Variants in WWOX observed in about 807,000 individuals in gnomAD.
WWOX encodes WW domain containing oxidoreductase.
Under a neutral mutation model 46.2 loss-of-function variants are expected in WWOX, and 69 were observed. That is an observed-to-expected ratio of 1.49 (90% confidence interval 1.23 to 1.82). WWOX has a LOEUF of 1.82. WWOX is among the 40% of genes most tolerant of loss of function. The probability of loss-of-function intolerance (pLI) is 0.00; values close to 1 mark genes in which losing one functional copy is unlikely to be tolerated. For synonymous variants in WWOX, 359 were observed against 202.6 expected (o/e 1.77, Z -6.56); for missense variants, 919 against 542.6 (o/e 1.69, Z -6.89).
chr16:78,315,458 G>A (rs1253779670), intron 5 of WWOX, among the ~76,000 whole-genome samples: 5 of 152,112 alleles, frequency 3.3e-5, no homozygotes, highest in African/African-American at 4.8e-5. Context: ...AGACCAGCCC[G>A]GCCAACATGG....
At chr16:78,799,462 A>G (rs991147527) in intron 8 of WWOX, among the ~76,000 whole-genome samples, 8 of 152,230 alleles carry the variant, frequency 5.3e-5, no homozygotes, top group Admixed American at 2.6e-4. Context: ...CACCAGGGAT[A>G]GAGTCTCAAA....
intron 4 of WWOX, among the ~76,000 whole-genome samples, chr16:78,157,204 G>A (rs1332856244): frequency 6.6e-6 from 1 of 152,124 alleles, no homozygotes; most frequent in African/African-American, 2.4e-5. Context: ...TGAAGTCCCG[G>A]GCTCCCAAAT....
intron 8 of WWOX, among the ~76,000 whole-genome samples, chr16:78,473,755 G>T (rs1347443616): frequency 6.6e-6 from 1 of 152,130 alleles, no homozygotes; most frequent in Non-Finnish European, 1.5e-5. Flanking sequence ...AAGCTGTCAG[G>T]TGTTAGCTGA....
intron 1 of WWOX, chr16:78,100,222 G>T (rs2031672047): frequency 2.6e-6 from 3 of 1,158,164 alleles, no homozygotes; most frequent in African/African-American, 1.7e-5. Context: ...CCTCCTGCAG[G>T]CTCTGGGTTG....
chr16:79,105,484 A>G (rs1447963961), intron 8 of WWOX, among the ~76,000 whole-genome samples: 2 of 152,160 alleles, frequency 1.3e-5, no homozygotes, highest in African/African-American at 2.4e-5. Flanking sequence ...CCACATTTAT[A>G]TCTATACCTA....
intron 8 of WWOX, among the ~76,000 whole-genome samples, chr16:78,845,865 G>A (rs538209557): frequency 6.6e-5 from 10 of 152,298 alleles, no homozygotes; most frequent in South Asian, 6.2e-4. Context: ...TATTCTGCAC[G>A]TCCATTTTAA....
At chr16:78,533,967 A>G (rs1326047192) in intron 8 of WWOX, among the ~76,000 whole-genome samples, 3 of 152,208 alleles carry the variant, frequency 2.0e-5, no homozygotes, top group Admixed American at 6.5e-5. Flanking sequence ...CCTACATTCT[A>G]GCGTAGGCAA....
At chr16:78,497,103 T>C (rs1194902748) in intron 8 of WWOX, among the ~76,000 whole-genome samples, 1 of 152,232 alleles carries the variant, frequency 6.6e-6, no homozygotes, top group Non-Finnish European at 1.5e-5. Flanking sequence ...CCTTTTGCTT[T>C]GGCATAAAAC....
At chr16:78,733,104 TC>T (rs1311252571) in intron 8 of WWOX, among the ~76,000 whole-genome samples, 1 of 152,196 alleles carries the variant, frequency 6.6e-6, no homozygotes, top group Admixed American at 6.5e-5. Flanking sequence ...TCCCATTTGC[TC>T]CGCTGTTACA....
intron 8 of WWOX, among the ~76,000 whole-genome samples, chr16:78,660,608 C>A (rs958033874): frequency 2.6e-5 from 4 of 152,098 alleles, no homozygotes; most frequent in Non-Finnish European, 4.4e-5. Context: ...TTGCCACCAG[C>A]TCCCTACTCA....
chr16:78,274,735 G>A (rs2079546265), intron 5 of WWOX, among the ~76,000 whole-genome samples: 1 of 152,112 alleles, frequency 6.6e-6, no homozygotes, highest in Non-Finnish European at 1.5e-5. Flanking sequence ...TCTTGGGCGA[G>A]GGCCCTAGAA....
intron 6 of WWOX, among the ~76,000 whole-genome samples, chr16:78,417,040 G>GTGTGTGTGTGTGTGTGTGT (rs1555535317): frequency 2.0e-5 from 3 of 151,264 alleles, no homozygotes; most frequent in Admixed American, 1.3e-4. Flanking sequence ...ACCCTTTGGG[G>GTGTGTGTGTGTGTGTGTGT]GTGTGTGTGT....
At chr16:78,806,975 G>A (rs571550392) in intron 8 of WWOX, among the ~76,000 whole-genome samples, 1 of 152,160 alleles carries the variant, frequency 6.6e-6, no homozygotes, top group Non-Finnish European at 1.5e-5. Flanking sequence ...CACATGACTG[G>A]GTCTTAGCAT....
intron 4 of WWOX, among the ~76,000 whole-genome samples, chr16:78,150,554 GT>G (rs2151719836): frequency 6.6e-6 from 1 of 152,080 alleles, no homozygotes; most frequent in Admixed American, 6.5e-5. Flanking sequence ...AAGTTTTTTT[GT>G]TTTGTTTATT....
chr16:78,787,612 T>C (rs1403976052), intron 8 of WWOX, among the ~76,000 whole-genome samples: 2 of 152,256 alleles, frequency 1.3e-5, no homozygotes, highest in Non-Finnish European at 2.9e-5. Context: ...CGAATTATGC[T>C]GCTATGATCA....
At chr16:78,494,078 T>G (rs2084851390) in intron 8 of WWOX, among the ~76,000 whole-genome samples, 1 of 152,088 alleles carries the variant, frequency 6.6e-6, no homozygotes, top group Non-Finnish European at 1.5e-5. Context: ...TCAGGAAACT[T>G]ACAGTTATGG....
intron 8 of WWOX, among the ~76,000 whole-genome samples, chr16:78,902,666 C>T (rs889360052): frequency 1.3e-5 from 2 of 152,236 alleles, no homozygotes; most frequent in Admixed American, 6.5e-5. Flanking sequence ...GCCGGCTCTG[C>T]AGGGAGGGCA....
chr16:78,872,151 C>T (rs988699389), intron 8 of WWOX, among the ~76,000 whole-genome samples: 1 of 152,176 alleles, frequency 6.6e-6, no homozygotes, highest in Non-Finnish European at 1.5e-5. Flanking sequence ...GTTATAATTG[C>T]AGGTACTTTT....
At chr16:78,654,616 T>A (rs1262919965) in intron 8 of WWOX, among the ~76,000 whole-genome samples, 1 of 152,188 alleles carries the variant, frequency 6.6e-6, no homozygotes, top group Non-Finnish European at 1.5e-5. Flanking sequence ...TTGTTTTTAA[T>A]GTACCTACCT....
Sources: allele counts gnomAD v4.1 joint callset (sites outside exome capture counted in the v4.1 genomes callset), GRCh38; gene constraint gnomAD v4.1.1; transcripts MANE v1.5; gene names NCBI Gene and HGNC (gene_info 2026-07-23, HGNC 2026-07-21).